Variants in MON2 observed in about 807,000 individuals in gnomAD.
MON2 encodes the protein MON2 regulator of endosome-to-Golgi trafficking.
MON2 carries 84 observed loss-of-function variants against 208.6 expected under a neutral mutation model. The ratio of observed to expected loss-of-function variants is 0.40; its 90% CI spans 0.34 to 0.48. The LOEUF (loss-of-function observed/expected upper bound fraction) is 0.48, where lower values mean the gene tolerates loss of function less well. Ranked by LOEUF, MON2 falls within the 20% of genes least tolerant of loss-of-function variation. The probability of loss-of-function intolerance (pLI) is 0.59; values close to 1 mark genes in which losing one functional copy is unlikely to be tolerated. For synonymous variants in MON2, 660 were observed against 694.0 expected (o/e 0.95, Z 0.77); for missense variants, 1,611 against 2,015.4 (o/e 0.80, Z 3.84).
chr12:62,500,610 T>C (rs2070773291), intron 5 of MON2, among the ~76,000 whole-genome samples, 173 bp from the exon 6 acceptor site: 1 of 152,158 alleles, frequency 6.6e-6, no homozygotes, highest in African/African-American at 2.4e-5. Context: ...AAAAACAGAT[T>C]CCCATTTTTT....
At chr12:62,550,956 G>T (rs1408146317) in intron 23 of MON2, among the ~76,000 whole-genome samples, 1 of 115,868 alleles carries the variant, frequency 8.6e-6, no homozygotes, top group Non-Finnish European at 1.7e-5. Flanking sequence ...TCTTGCGCTT[G>T]TTACCCAGGC....
At position 62,560,745 on chromosome 12, in the gene MON2, T is replaced by C; in HGVS notation, c.3664T>C (p.Tyr1222His). The change falls in exon 26 of 35, where the codon TAT becomes CAT. Residue 1222 changes from tyrosine (Y) to histidine (H), a missense_variant. Tyr to His is a moderately conservative substitution (Grantham distance 83). Coordinates refer to ENST00000393630, the MANE Select transcript of MON2 (RefSeq NM_015026.3). Reference protein sequence around the residue: ...TDSIGEKLGRYSSSEPPIVTD... With the variant: ...TDSIGEKLGRHSSSEPPIVTD... Reference sequence around the variant, plus strand: ...TTCCATTGGAGAAAAACTAGGAAGATATAGTAGCTCTGAGCCACCCATTGT... The same window carrying C: ...TTCCATTGGAGAAAAACTAGGAAGACATAGTAGCTCTGAGCCACCCATTGT... 1 of 1,614,148 alleles carries C rather than the reference T, an allele frequency of 6.2e-7. No homozygotes were observed. The highest frequency in any genetic ancestry group is 8.5e-7 in the Non-Finnish European group (1 of 1,180,022).
At chr12:62,566,104 G>C in intron 28 of MON2, 73 bp downstream of exon 28, 1 of 1,490,382 alleles carries the variant, frequency 6.7e-7, no homozygotes, top group Non-Finnish European at 9.2e-7. Flanking sequence ...GTTCTTGGTA[G>C]AATGCTGTAT....
At position 62,466,964 on chromosome 12, in the gene MON2, C is replaced by A. The variant is rs895616768; in HGVS notation, c.-244C>A. 7.7e-6 allele frequency: 4 copies of A among 518,522 alleles called. No individual in the cohort carries two copies. The highest frequency in any genetic ancestry group is 1.4e-5 in the Non-Finnish European group (4 of 292,174). 32.1% of individuals were successfully genotyped at this position (518,522 alleles called of 1,614,324 possible). A position where few individuals can be genotyped will look rare whatever the true frequency, so the allele number is the denominator to read the frequency against. ...CCTGCCCGCCTTGTGGGTTTCTCGG[C>A]CAGAGTCGGCGGAGCCTAGCGGGAC... is the stretch of plus-strand genomic sequence containing the variant. On this transcript the variant is annotated 5_prime_UTR_variant, in exon 1 of 35. Coordinates refer to ENST00000393630, the MANE Select transcript of MON2 (RefSeq NM_015026.3).
intron 29 of MON2, among the ~76,000 whole-genome samples, chr12:62,567,265 G>A (rs903346989): frequency 3.3e-5 from 5 of 152,066 alleles, no homozygotes; most frequent in African/African-American, 1.2e-4. Flanking sequence ...TTCTTCATTG[G>A]TGATTATTTT....
chr12:62,472,959 T>A (rs1292805828), intron 1 of MON2, among the ~76,000 whole-genome samples: 1 of 152,104 alleles, frequency 6.6e-6, no homozygotes, highest in Admixed American at 6.6e-5. Context: ...CTCTAACTTA[T>A]AAGCCAAAAA....
At chr12:62,478,036 G>T (rs1236328382) in intron 1 of MON2, among the ~76,000 whole-genome samples, 1 of 152,092 alleles carries the variant, frequency 6.6e-6, no homozygotes, top group Non-Finnish European at 1.5e-5. Flanking sequence ...GACTTCCTCT[G>T]CATGTTTCAA....
At chr12:62,477,219 C>T (rs550351772) in intron 1 of MON2, among the ~76,000 whole-genome samples, 1 of 151,928 alleles carries the variant, frequency 6.6e-6, no homozygotes, top group East Asian at 1.9e-4. Context: ...AGAACAGCAA[C>T]TTTTGTGAAA....
chr12:62,533,797 C>A (rs1035900557), intron 12 of MON2, among the ~76,000 whole-genome samples: 1 of 152,158 alleles, frequency 6.6e-6, no homozygotes, highest in African/African-American at 2.4e-5. Context: ...CACAAGCACA[C>A]GTCTCTGTAC....
At chr12:62,500,738 A>G (rs769248535) in intron 5 of MON2, 45 bp from the exon 6 acceptor site, 1 of 831,020 alleles carries the variant, frequency 1.2e-6, no homozygotes, top group Non-Finnish European at 2.0e-6. Context: ...ATAATTTATT[A>G]AAGGCTATTA....
chr12:62,483,500 A>AG (rs1466646559), intron 1 of MON2, among the ~76,000 whole-genome samples: 4 of 152,244 alleles, frequency 2.6e-5, no homozygotes, highest in African/African-American at 4.8e-5. Flanking sequence ...CAGGAGTTCA[A>AG]GACCAGCCTG....
At chr12:62,584,166 G>GAGGTTGATT (rs910520347) in intron 32 of MON2, among the ~76,000 whole-genome samples, 2 of 152,056 alleles carry the variant, frequency 1.3e-5, no homozygotes, top group African/African-American at 4.8e-5. Context: ...TAATCAACCA[G>GAGGTTGATT]AGGACAAGCA....
chr12:62,571,819 C>A (rs1052727793), intron 30 of MON2, among the ~76,000 whole-genome samples: 1 of 152,098 alleles, frequency 6.6e-6, no homozygotes, highest in Admixed American at 6.5e-5. Context: ...TAAAACAATA[C>A]AAATGCATCA....
intron 2 of MON2, among the ~76,000 whole-genome samples, chr12:62,493,038 TACACACAC>T (rs35345471): frequency 6.6e-6 from 1 of 151,566 alleles, no homozygotes; most frequent in African/African-American, 2.4e-5. Flanking sequence ...CATACACACA[TACACACAC>T]ACAAACACAC....
chr12:62,578,429 TG>T lies in MON2; in HGVS notation c.4515-15del. ...GAATATTTTATCTTTAAAAATCAAGTGTTTTTTTTTTTTAGCATACCTCCAG... is the reference window on the plus strand; with the variant it reads ...GAATATTTTATCTTTAAAAATCAAGTTTTTTTTTTTTTAGCATACCTCCAG... On this transcript the variant is annotated splice_polypyrimidine_tract_variant and intron_variant, in intron 30 of 34. Coordinates refer to ENST00000393630, the MANE Select transcript of MON2 (RefSeq NM_015026.3). 14 of 1,143,746 alleles carry T rather than the reference TG, an allele frequency of 1.2e-5. No individual in the cohort carries two copies. The highest frequency in any genetic ancestry group is 1.7e-5 in the Non-Finnish European group (14 of 807,592). The allele number at this position is 1,143,746 out of a possible 1,614,324, so 70.8% of individuals were successfully genotyped here.
chr12:62,481,552 C>T (rs1489218549), intron 1 of MON2, among the ~76,000 whole-genome samples: 1 of 151,608 alleles, frequency 6.6e-6, no homozygotes, highest in Non-Finnish European at 1.5e-5. Flanking sequence ...ATGGCTGTCT[C>T]CCACCAGCAG....
At position 62,593,697 on chromosome 12, in the gene MON2, TG is replaced by T. The variant is rs918926422; in HGVS notation, c.*949del. The T allele has an allele frequency of 1.3e-5, 2 of 152,454 alleles. No homozygotes were observed. The highest frequency in any genetic ancestry group is 2.9e-5 in the Non-Finnish European group (2 of 67,992). The allele number at this position is 152,454 out of a possible 1,614,324, so 9.4% of individuals were successfully genotyped here. On this transcript the variant is annotated 3_prime_UTR_variant, in exon 35 of 35. Transcript: ENST00000393630. ...TCATATTTTATATTTCTACTGATTT[TG>T]TTTCCCCTAACAACATTTGTCACTG... is the stretch of plus-strand genomic sequence containing the variant.
intron 8 of MON2, among the ~76,000 whole-genome samples, chr12:62,509,940 C>G (rs537166470): frequency 1.3e-5 from 2 of 150,878 alleles, no homozygotes; most frequent in South Asian, 4.2e-4. Context: ...AGAAAATACT[C>G]AAATAACTAA....
intron 6 of MON2, 94 bp downstream of exon 6, chr12:62,500,974 A>T (rs1023837434): frequency 5.7e-6 from 4 of 705,556 alleles, no homozygotes; most frequent in African/African-American, 3.7e-5. Context: ...TTTAATGTGA[A>T]TTTTTTTGAA....
Sources: gnomAD v4.1 joint callset for allele counts (sites outside exome capture counted in the v4.1 genomes callset) on GRCh38, gnomAD v4.1.1 for gene constraint, MANE v1.5 for transcripts, NCBI Gene and HGNC (gene_info 2026-07-23, HGNC 2026-07-21) for gene names.